The following AKR1B10 variants were observed in gnomAD, a reference collection of about 807,000 sequenced individuals.
AKR1B10 encodes the protein ARP.
AKR1B10 carries 39 observed loss-of-function variants against 38.9 expected under a neutral mutation model. The ratio of observed to expected loss-of-function variants is 1.00; its 90% CI spans 0.78 to 1.31. The LOEUF is 1.31. Among genes scored for constraint, AKR1B10 ranks in the 50% most tolerant of loss-of-function variants. The probability of loss-of-function intolerance (pLI) is 0.00; values close to 1 mark genes in which losing one functional copy is unlikely to be tolerated. For missense variants in AKR1B10, 361 were observed against 382.6 expected, an observed-to-expected ratio of 0.94 and a Z score of 0.47; for synonymous variants, 148 against 141.2, an observed-to-expected ratio of 1.05 and a Z score of -0.34.
chr7:134,534,164 C>T (rs1227825126), intron 4 of AKR1B10, among the ~76,000 whole-genome samples: 1 of 152,180 alleles, frequency 6.6e-6, no homozygotes, highest in Non-Finnish European at 1.5e-5. Context: ...CTCTGTCACC[C>T]AGGCTGGAGT....
Position 134,538,413 on chromosome 7 carries a change from C to T in AKR1B10, c.825+136C>T, listed in dbSNP as rs547519671. ...CCCACCACCCTATCATTTTCCAGCC[C>T]AGGGAGCTAGGGTCAGTAGAGCTGA... is the stretch of plus-strand genomic sequence containing the variant. On this transcript the variant is annotated intron_variant, in intron 8 of 9. Transcript: ENST00000359579. 3.4e-5 allele frequency: 31 copies of T among 900,704 alleles called. No individual in the cohort carries two copies. In the African/African-American group the frequency reaches 4.6e-4, roughly 13 times the overall value. 55.8% of individuals were successfully genotyped at this position (900,704 alleles called of 1,614,324 possible). A position where few individuals can be genotyped will look rare whatever the true frequency, so the allele number is the denominator to read the frequency against.
At chr7:134,536,442 T>A (rs1202533495) in intron 4 of AKR1B10, among the ~76,000 whole-genome samples, 1 of 152,242 alleles carries the variant, frequency 6.6e-6, no homozygotes, top group African/African-American at 2.4e-5. Context: ...CTGTTACTCC[T>A]AGTTTTTCTT....
chr7:134,538,712 C>G (rs1445612544), intron 8 of AKR1B10, among the ~76,000 whole-genome samples: 1 of 152,132 alleles, frequency 6.6e-6, no homozygotes, highest in Admixed American at 6.5e-5. Context: ...TGCCTGTGAG[C>G]CTGGTCTCCC....
intron 4 of AKR1B10, among the ~76,000 whole-genome samples, chr7:134,533,851 T>C (rs1807930316): frequency 6.6e-6 from 1 of 152,206 alleles, no homozygotes; most frequent in Admixed American, 6.5e-5. Flanking sequence ...GGTCATTTTT[T>C]ATTATTTATA....
chr7:134,539,061 C>A, intron 9 of AKR1B10, 44 bp downstream of exon 9: 2 of 1,610,114 alleles, frequency 1.2e-6, no homozygotes, highest in Non-Finnish European at 1.7e-6. Flanking sequence ...AGGAGTTTTT[C>A]TAAACTAATA....
Position 134,536,718 on chromosome 7 carries a change from G to T in AKR1B10, c.498G>T (p.Gln166His), listed in dbSNP as rs751508069. ...ALGVSNFSHF[Q>H]IEKLLNKPGL... ...GGGTCTCCAATTTCAGCCACTTCCA[G>T]ATCGAGAAGCTCTTGAACAAACCTG... Residue 166 changes from glutamine (Q) to histidine (H), a missense_variant, in exon 5 of 10, where the codon CAG (glutamine) becomes CAT (histidine). Coordinates refer to ENST00000359579, the MANE Select transcript of AKR1B10 (RefSeq NM_020299.5). 3.7e-6 allele frequency: 6 copies of T among 1,613,936 alleles called. No homozygotes were observed. Among genetic ancestry groups the T allele is most frequent in the Middle Eastern group, 1.7e-4 (1 of 6,054 alleles).
chr7:134,538,883 C>A, intron 8 of AKR1B10, 52 bp from the exon 9 acceptor site: 3 of 1,606,606 alleles, frequency 1.9e-6, no homozygotes, highest in Non-Finnish European at 2.6e-6. Flanking sequence ...CAGTCTCCAG[C>A]CACAGCTAGA....
chr7:134,536,963 G>A, intron 5 of AKR1B10, 88 bp from the exon 6 acceptor site: 1 of 1,573,094 alleles, frequency 6.4e-7, no homozygotes, highest in Non-Finnish European at 8.6e-7. Context: ...GCCTTTGCTT[G>A]GTGGACTTTT....
intron 4 of AKR1B10, among the ~76,000 whole-genome samples, chr7:134,534,989 A>ATT (rs199993477): frequency 5.4e-5 from 8 of 149,046 alleles, no homozygotes; most frequent in African/African-American, 2.0e-4. Flanking sequence ...GGCACTGGTA[A>ATT]TTTTTTTTTT....
At chr7:134,531,772 G>A (rs374782521) in intron 2 of AKR1B10, 136 bp from the exon 3 acceptor site, 33 of 964,328 alleles carry the variant, frequency 3.4e-5, no homozygotes, top group South Asian at 8.9e-5. Flanking sequence ...ACACTGTGTC[G>A]TGGATCTTAA....
chr7:134,530,806 G>A lies in AKR1B10; in HGVS notation c.230G>A (p.Ser77Asn), dbSNP rs1397759211. The A allele has an allele frequency of 8.1e-6, 13 of 1,610,772 alleles. No homozygotes were observed. The South Asian group carries it at 1.4e-4, about 18-fold the overall frequency. The part of the protein sequence containing the change: ...AVKREDLFIV[S>N]KLWPTFFERP... ...AAGCGGGAGGACCTGTTCATCGTCA[G>A]CAAGGTGCAATGGTGCATTTGGTGG... The change falls in exon 2 of 10, where the codon AGC becomes AAC. Residue 77 changes from serine to asparagine, a missense_variant. This residue lies in a region of AKR1B10 where 220 missense variants were observed against 216.1 expected (regional missense o/e 1.02). Coordinates refer to ENST00000359579, the MANE Select transcript of AKR1B10 (RefSeq NM_020299.5).
rs189552034 is a variant in AKR1B10, at chr7:134,532,078, A to G, written c.351+54A>G. ...AGTTTCTGAGCAGGTGCCAGAAAAT[A>G]GTAGCTGCACCAGGGCTGTGGGGTG... On this transcript the variant is annotated intron_variant, in intron 3 of 9. Transcript: ENST00000359579. 5.0e-6 allele frequency: 8 copies of G among 1,602,350 alleles called. No individual in the cohort carries two copies. In the Admixed American group the frequency reaches 1.3e-4, roughly 27 times the overall value.
At chr7:134,539,123 A>C (rs1253314793) in intron 9 of AKR1B10, 106 bp downstream of exon 9, 3 of 1,411,740 alleles carry the variant, frequency 2.1e-6, no homozygotes, top group Middle Eastern at 1.8e-4. Context: ...GTGTCTTCAA[A>C]TACTATTTTG....
chr7:134,532,099 G>A (rs1331041157), intron 3 of AKR1B10, 75 bp downstream of exon 3: 1 of 1,568,932 alleles, frequency 6.4e-7, no homozygotes, highest in Non-Finnish European at 8.8e-7. Context: ...CAGGGCTGTG[G>A]GGTGGTGTGG....
chr7:134,539,309 C>T (rs552267553), intron 9 of AKR1B10, among the ~76,000 whole-genome samples: 15 of 152,234 alleles, frequency 9.9e-5, no homozygotes, highest in South Asian at 6.2e-4. Flanking sequence ...CAATATCTCA[C>T]GGTCATCTAT....
At chr7:134,536,981 G>A in intron 5 of AKR1B10, 70 bp from the exon 6 acceptor site, 1 of 1,558,360 alleles carries the variant, frequency 6.4e-7, no homozygotes, top group Non-Finnish European at 8.7e-7. Flanking sequence ...TTTTTTGTGT[G>A]TAGAACTCCC....
Position 134,537,073 on chromosome 7 carries a change from C to A in AKR1B10, c.575C>A (p.Thr192Lys). ...CAGGTTGAGTGTCACCCATACCTCA[C>A]ACAGGAGAAACTGATCCAGTACTGC... ...TNQVECHPYL[T>K]QEKLIQYCHS... is the part of the protein sequence containing the mutation. The change falls in exon 6 of 10, where the codon ACA becomes AAA. Residue 192 changes from threonine (T) to lysine (K), a missense_variant. Physicochemically the swap from Thr to Lys is moderately conservative, Grantham distance 78 (BLOSUM62 -1). Coordinates refer to ENST00000359579, the MANE Select transcript of AKR1B10 (RefSeq NM_020299.5). The A allele has an allele frequency of 1.3e-6, 2 of 1,576,012 alleles. No individual in the cohort carries two copies. Among genetic ancestry groups the A allele is most frequent in the Non-Finnish European group, 1.7e-6 (2 of 1,158,158 alleles).
chr7:134,541,149 C>T lies in AKR1B10; in HGVS notation c.*60C>T. On this transcript the variant is annotated 3_prime_UTR_variant, in exon 10 of 10. Transcript: ENST00000359579. ...CTCTTTCTTCGCTGAAGTGTGACTA[C>T]CTCCACTCATGTCCCATTTTAGCCA... 4.7e-6 allele frequency: 6 copies of T among 1,281,344 alleles called. 1 individual carries two copies. Among genetic ancestry groups the T allele is most frequent in the South Asian group, 3.8e-5 (3 of 78,076 alleles). The allele number at this position is 1,281,344 out of a possible 1,614,324, so 79.4% of individuals were successfully genotyped here.
intron 4 of AKR1B10, among the ~76,000 whole-genome samples, chr7:134,535,434 T>C (rs113879659): frequency 6.6e-6 from 1 of 152,212 alleles, no homozygotes; most frequent in African/African-American, 2.4e-5. Context: ...CCAGCCAGTA[T>C]TTTTTAAAGC....
Sources: allele counts gnomAD v4.1 joint callset (sites outside exome capture counted in the v4.1 genomes callset), GRCh38; gene constraint gnomAD v4.1.1; regional missense constraint gnomAD v4.1.1; transcripts MANE v1.5; gene names NCBI Gene and HGNC (gene_info 2026-07-23, HGNC 2026-07-21).